Variants in TNS3 observed in about 807,000 individuals in gnomAD.
TNS3 encodes tensin 3.
Under a neutral mutation model 140.9 loss-of-function variants are expected in TNS3, and 45 were observed. That is an observed-to-expected ratio of 0.32 (90% CI 0.25 to 0.41). TNS3 has a LOEUF of 0.41. Ranked by LOEUF, TNS3 falls within the 10% of genes least tolerant of loss-of-function variation. The probability of loss-of-function intolerance (pLI) is 1.00; values close to 1 mark genes in which losing one functional copy is unlikely to be tolerated. For synonymous variants in TNS3, 815 were observed against 788.4 expected (o/e 1.03, Z -0.56); for missense variants, 1,716 against 1,906.7 (o/e 0.90, Z 1.86).
chr7:47,495,464 G>A (rs910045255), intron 3 of TNS3, among the ~76,000 whole-genome samples: 34 of 152,144 alleles, frequency 2.2e-4, no homozygotes, highest in Non-Finnish European at 3.8e-4. Flanking sequence ...ACAGGGCCAC[G>A]ACCCCCGCCC....
At chr7:47,388,030 G>A (rs1357005890) in intron 16 of TNS3, among the ~76,000 whole-genome samples, 2 of 152,236 alleles carry the variant, frequency 1.3e-5, no homozygotes, top group Non-Finnish European at 2.9e-5. Context: ...CCAGGCAATG[G>A]AGAGAAAGGT....
intron 13 of TNS3, among the ~76,000 whole-genome samples, chr7:47,403,045 G>A (rs1441118894): frequency 2.0e-5 from 3 of 152,166 alleles, no homozygotes; most frequent in Admixed American, 6.5e-5. Context: ...GTGGGCTCCA[G>A]TACGGGCCAC....
intron 30 of TNS3, chr7:47,278,876 T>C (rs1784994439): frequency 6.6e-6 from 1 of 152,240 alleles, no homozygotes; most frequent in Non-Finnish European, 1.5e-5. Context: ...ATAATGACCA[T>C]ATCCCTATCC....
intron 16 of TNS3, among the ~76,000 whole-genome samples, chr7:47,379,033 T>C (rs1791587349): frequency 6.6e-6 from 1 of 151,924 alleles, no homozygotes; most frequent in Admixed American, 6.6e-5. Context: ...CATGGAAGAG[T>C]CCATCACCAA....
At chr7:47,471,085 C>G (rs541211320) in intron 4 of TNS3, among the ~76,000 whole-genome samples, 2 of 151,992 alleles carry the variant, frequency 1.3e-5, no homozygotes, top group African/African-American at 4.8e-5. Context: ...CTCACTGGGG[C>G]GCAGTTCCCA....
intron 3 of TNS3, among the ~76,000 whole-genome samples, chr7:47,506,312 A>G (rs1409568351): frequency 6.6e-6 from 1 of 152,108 alleles, no homozygotes; most frequent in Non-Finnish European, 1.5e-5. Context: ...CCCACACGGC[A>G]CTTCCAGGCC....
rs748305203 is a variant in TNS3 at position 47,346,202 on chromosome 7, T to A, written c.2436A>T (p.Pro812=). The part of the protein sequence containing the change: ...YAPNLPPFPS[P]ADVKETMTPG... The stretch of plus-strand genomic sequence containing the variant: ...TGGCACATACCTCTTTGACGTCCGC[T>A]GGTGAGGGGAATGGCGGCAGGTTTG... The change falls in exon 18 of 31, where the codon CCA becomes CCT. Residue 812 remains proline (P), a synonymous_variant. Coordinates refer to ENST00000311160, the MANE Select transcript of TNS3 (RefSeq NM_022748.12). The A allele has an allele frequency of 6.2e-7, 1 of 1,614,166 alleles. No individual in the cohort carries two copies.
intron 20 of TNS3, among the ~76,000 whole-genome samples, chr7:47,336,340 A>G (rs903010653): frequency 6.6e-6 from 1 of 152,198 alleles, no homozygotes; most frequent in African/African-American, 2.4e-5. Context: ...ATGTGCTGTC[A>G]GCTGGCTCAC....
At chr7:47,353,992 AACACACACAC>A (rs10598998) in intron 17 of TNS3, among the ~76,000 whole-genome samples, 87 of 143,490 alleles carry the variant, frequency 6.1e-4, no homozygotes, top group East Asian at 2.9e-3. Flanking sequence ...CAGAGGACAA[AACACACACAC>A]ACACACACAC....
At chr7:47,484,933 T>C (rs1797554997) in intron 3 of TNS3, among the ~76,000 whole-genome samples, 2 of 152,218 alleles carry the variant, frequency 1.3e-5, no homozygotes, top group African/African-American at 4.8e-5. Flanking sequence ...TCTTTAGCAC[T>C]TATGTTCTTA....
At position 47,323,535 on chromosome 7, in the gene TNS3, C is replaced by T. The variant is rs144313599; in HGVS notation, c.2651-18532G>A. ...ACTTCCAAAAGGAAAGAAGAATGTT[C>T]AAATGAGTCAAAGTAAGGGTAAATA... On this transcript the variant is annotated intron_variant, in intron 20 of 30. Coordinates refer to ENST00000311160, the MANE Select transcript of TNS3 (RefSeq NM_022748.12). Among the ~76,000 whole-genome samples the T allele has an allele frequency of 3.3e-3, 510 of 152,298 alleles. 2 individuals carry two copies. Among genetic ancestry groups the T allele is most frequent in the African/African-American group, 0.011 (475 of 41,552 alleles).
chr7:47,348,767 C>T (rs1034065683), intron 17 of TNS3, among the ~76,000 whole-genome samples: 3 of 152,200 alleles, frequency 2.0e-5, no homozygotes, highest in Admixed American at 1.3e-4. Flanking sequence ...GCACTCTGAT[C>T]TCAGGCCTGA....
At chr7:47,553,169 CATAACATAGCAGAGT>C (rs1800106916) in intron 1 of TNS3, among the ~76,000 whole-genome samples, 1 of 152,212 alleles carries the variant, frequency 6.6e-6, no homozygotes, top group Non-Finnish European at 1.5e-5. Context: ...AAGCCGTCTC[CATAACATAGCAGAGT>C]AAGGTGAAGC....
intron 2 of TNS3, among the ~76,000 whole-genome samples, chr7:47,510,891 C>T (rs1010856717): frequency 6.6e-6 from 1 of 151,254 alleles, no homozygotes; most frequent in East Asian, 1.9e-4. Context: ...GACTTGTACC[C>T]ATCACCAGGG....
intron 4 of TNS3, among the ~76,000 whole-genome samples, chr7:47,465,457 C>G (rs1361387851): frequency 6.6e-6 from 1 of 152,184 alleles, no homozygotes; most frequent in Non-Finnish European, 1.5e-5. Flanking sequence ...CACAATGCCC[C>G]TGTGAAGTAG....
At chr7:47,558,815 G>A (rs1189193750) in intron 1 of TNS3, among the ~76,000 whole-genome samples, 1 of 152,144 alleles carries the variant, frequency 6.6e-6, no homozygotes, top group East Asian at 1.9e-4. Flanking sequence ...ACCCTGCTCA[G>A]GGTCCAAGTC....
intron 20 of TNS3, among the ~76,000 whole-genome samples, chr7:47,311,531 A>G (rs1377292155): frequency 6.6e-6 from 1 of 152,180 alleles, no homozygotes; most frequent in East Asian, 1.9e-4. Context: ...TTAAGCATTC[A>G]GTTCATGATT....
intron 11 of TNS3, among the ~76,000 whole-genome samples, chr7:47,414,595 C>G (rs1793971047): frequency 6.6e-6 from 1 of 152,082 alleles, no homozygotes; most frequent in East Asian, 1.9e-4. Flanking sequence ...GTGTGCTGTG[C>G]TCATCTAAGT....
chr7:47,489,038 T>C (rs1304592976), intron 3 of TNS3, among the ~76,000 whole-genome samples: 1 of 152,240 alleles, frequency 6.6e-6, no homozygotes. Context: ...ACTTTGCTTC[T>C]GTGTCTCCTT....
Sources: allele counts gnomAD v4.1 joint callset (sites outside exome capture counted in the v4.1 genomes callset), GRCh38; gene constraint gnomAD v4.1.1; transcripts MANE v1.5; gene names NCBI Gene and HGNC (gene_info 2026-07-23, HGNC 2026-07-21).